The following HES1 variants were observed in gnomAD, a reference collection of about 807,000 sequenced individuals.
The protein encoded by HES1 is transcription factor HES-1.
Under a neutral mutation model 21.0 loss-of-function variants are expected in HES1, and 7 were observed. The observed-to-expected ratio is 0.33, with a 90% confidence interval of 0.19 to 0.63. HES1 has a LOEUF of 0.63. HES1 is among the 20% of genes least tolerant of loss of function. The pLI, the probability that HES1 is intolerant of heterozygous loss-of-function variation, is 0.78. For synonymous variants in HES1, 169 were observed against 171.2 expected (o/e 0.99, Z 0.10); for missense variants, 338 against 389.8 (o/e 0.87, Z 1.12).
rs114479819 is a variant in HES1 at position 194,136,189 on chromosome 3, C to A, written c.-192C>A. On this transcript the variant is annotated 5_prime_UTR_variant, in exon 1 of 4. Coordinates refer to ENST00000232424, the MANE Select transcript of HES1 (RefSeq NM_005524.4). ...TGGTGCTGATAACAGCGGAATCCCCCGTCTACCTCTCTCCTTGGTCCTGGA... is the reference window on the plus strand; with the variant it reads ...TGGTGCTGATAACAGCGGAATCCCCAGTCTACCTCTCTCCTTGGTCCTGGA... The A allele has an allele frequency of 1.8e-6, 1 of 548,006 alleles. No homozygotes were observed. The allele number at this position is 548,006 out of a possible 1,614,324, so 33.9% of individuals were successfully genotyped here. A position where few individuals can be genotyped will look rare whatever the true frequency, so the allele number is the denominator to read the frequency against.
Position 194,137,929 on chromosome 3 carries a change from C to A in HES1, c.539C>A (p.Pro180Gln). Reference sequence around the variant, plus strand: ...GGACCCGGCGGCCCCCAGCACGCGCCGTTCGCGCCGCCGCCGCCACTCGTG... The same window carrying A: ...GGACCCGGCGGCCCCCAGCACGCGCAGTTCGCGCCGCCGCCGCCACTCGTG... ...PPGPGGPQHA[P>Q]FAPPPPLVPI... Residue 180 changes from proline to glutamine, a missense_variant, in exon 4 of 4, where the codon CCG becomes CAG. Coordinates refer to ENST00000232424, the MANE Select transcript of HES1 (RefSeq NM_005524.4). This position sits in a 1 kb window ranked among gnomAD's most constrained non-coding sequence, Gnocchi z 5.4. 2 of 1,308,638 alleles carry A rather than the reference C, an allele frequency of 1.5e-6. No homozygotes were observed. Among genetic ancestry groups the A allele is most frequent in the Non-Finnish European group, 1.9e-6 (2 of 1,028,914 alleles). The allele number at this position is 1,308,638 out of a possible 1,614,324, so 81.1% of individuals were successfully genotyped here. A position where few individuals can be genotyped will look rare whatever the true frequency, so the allele number is the denominator to read the frequency against.
chr3:194,136,587 G>A (rs957927471), intron 1 of HES1, 30 bp from the exon 2 acceptor site: 1 of 1,588,208 alleles, frequency 6.3e-7, no homozygotes, highest in East Asian at 2.2e-5. Flanking sequence ...AGATTCCATG[G>A]GAACACAGAA....
At position 194,138,189 on chromosome 3, in the gene HES1, C is replaced by T. The variant is rs1303605572; in HGVS notation, c.799C>T (p.Pro267Ser). ...CAACGCAGTGTCACCTTCCAGCGGC[C>T]CCTCGCTTACGGCGGACTCCATGTG... ...GPNAVSPSSGPSLTADSMWRP... is the reference protein window; with the variant it reads ...GPNAVSPSSGSSLTADSMWRP... Residue 267 changes from proline (P) to serine (S), a missense_variant, in exon 4 of 4, where the codon CCC (proline) becomes TCC (serine). Pro to Ser is a moderately conservative substitution (Grantham distance 74, BLOSUM62 -1). Coordinates refer to ENST00000232424, the MANE Select transcript of HES1 (RefSeq NM_005524.4). 1.9e-6 allele frequency: 3 copies of T among 1,599,664 alleles called. No homozygotes were observed. Among genetic ancestry groups the T allele is most frequent in the Non-Finnish European group, 2.6e-6 (3 of 1,173,962 alleles).
At position 194,136,964 on chromosome 3, in the gene HES1, T is replaced by C; in HGVS notation, c.208T>C (p.Ser70Pro). 1.2e-6 allele frequency: 2 copies of C among 1,614,106 alleles called. No individual in the cohort carries two copies. The stretch of plus-strand genomic sequence containing the variant: ...CTTTCTTGCCTACTCTATGCAGAGC[T>C]CGCGGCATTCCAAGCTGGAGAAGGC... ...LILDALKKDSSRHSKLEKADI... is the reference protein window; with the variant it reads ...LILDALKKDSPRHSKLEKADI... The change falls in exon 3 of 4, where the codon TCG becomes CCG. Residue 70 changes from serine to proline, a missense_variant. Physicochemically the swap from Ser to Pro is moderately conservative, Grantham distance 74 (BLOSUM62 -1). Coordinates refer to ENST00000232424, the MANE Select transcript of HES1 (RefSeq NM_005524.4).
In HES1 at chr3:194,136,221, C is replaced by T. The variant is rs1715331086; in HGVS notation, c.-160C>T. 8.3e-6 allele frequency: 5 copies of T among 601,224 alleles called. No individual in the cohort carries two copies. The highest frequency in any genetic ancestry group is 1.5e-5 in the Non-Finnish European group (5 of 334,972). The allele number at this position is 601,224 out of a possible 1,614,324, so 37.2% of individuals were successfully genotyped here. A position where few individuals can be genotyped will look rare whatever the true frequency, so the allele number is the denominator to read the frequency against. The stretch of plus-strand genomic sequence containing the variant: ...CTCTCTCCTTGGTCCTGGAACAGCG[C>T]TACTGATCACCAAGTAGCCACAAAA... On this transcript the variant is annotated 5_prime_UTR_variant, in exon 1 of 4. Coordinates refer to ENST00000232424, the MANE Select transcript of HES1 (RefSeq NM_005524.4).
At position 194,136,637 on chromosome 3, in the gene HES1, G is replaced by A. The variant is rs143349653; in HGVS notation, c.129G>A (p.Glu43=). Residue 43 remains glutamate (E), a synonymous_variant, in exon 2 of 4, where the codon GAG becomes GAA. Coordinates refer to ENST00000232424, the MANE Select transcript of HES1 (RefSeq NM_005524.4). ...EHRKSSKPIM[E]KRRRARINES... Reference sequence around the variant, plus strand: ...TGCAGTCATCAAAGCCTATTATGGAGAAAAGACGAAGAGCAAGAATAAATG... The same window carrying A: ...TGCAGTCATCAAAGCCTATTATGGAAAAAAGACGAAGAGCAAGAATAAATG... 5.5e-5 allele frequency: 89 copies of A among 1,613,160 alleles called. No individual in the cohort carries two copies. The highest frequency in any genetic ancestry group is 4.9e-4 in the Middle Eastern group (3 of 6,084).
In HES1 at chr3:194,136,162, G is replaced by C; in HGVS notation, c.-219G>C. On this transcript the variant is annotated 5_prime_UTR_variant, in exon 1 of 4. Coordinates refer to ENST00000232424, the MANE Select transcript of HES1 (RefSeq NM_005524.4). ...GCCTAGGGATCACACAGGATCCGGA[G>C]CTGGTGCTGATAACAGCGGAATCCC... 2.0e-6 allele frequency: 1 copy of C among 500,636 alleles called. No individual in the cohort carries two copies. Among genetic ancestry groups the C allele is most frequent in the African/African-American group, 1.9e-5 (1 of 51,894 alleles). 31.0% of individuals were successfully genotyped at this position (500,636 alleles called of 1,614,324 possible). A position where few individuals can be genotyped will look rare whatever the true frequency, so the allele number is the denominator to read the frequency against.
At position 194,138,678 on chromosome 3, in the gene HES1, T is replaced by C. The variant is rs1715407462; in HGVS notation, c.*445T>C. The C allele has an allele frequency of 6.5e-6, 1 of 153,474 alleles. No individual in the cohort carries two copies. The highest frequency in any genetic ancestry group is 2.4e-5 in the African/African-American group (1 of 41,524). The allele number at this position is 153,474 out of a possible 1,614,324, so 9.5% of individuals were successfully genotyped here. ...TTGGTGGAATTTGAATTACATGTAA[T>C]TGGTAATTCAGGAATTGACTCTTTT... On this transcript the variant is annotated 3_prime_UTR_variant, in exon 4 of 4. Coordinates refer to ENST00000232424, the MANE Select transcript of HES1 (RefSeq NM_005524.4).
In HES1 at chr3:194,136,948, C is replaced by T. The variant is rs1715358706; in HGVS notation, c.205-13C>T. 2.5e-6 allele frequency: 4 copies of T among 1,613,248 alleles called. No individual in the cohort carries two copies. Among genetic ancestry groups the T allele is most frequent in the Non-Finnish European group, 3.4e-6 (4 of 1,179,224 alleles). ...CACGGGGCTCACTTTCCTTTCTTGC[C>T]TACTCTATGCAGAGCTCGCGGCATT... On this transcript the variant is annotated splice_polypyrimidine_tract_variant and intron_variant, in intron 2 of 3. Coordinates refer to ENST00000232424, the MANE Select transcript of HES1 (RefSeq NM_005524.4).
rs767844444 is a variant in HES1 at position 194,137,857 on chromosome 3, C to A, written c.467C>A (p.Pro156His). ...ACCCAGATCAATGCCATGACCTACC[C>A]CGGGCAGCCGCACCCCGCCTTGCAG... is the stretch of plus-strand genomic sequence containing the variant. ...CMTQINAMTY[P>H]GQPHPALQAP... Residue 156 changes from proline to histidine, a missense_variant, in exon 4 of 4, where the codon CCC becomes CAC. Transcript: ENST00000232424. The surrounding 1 kb of genome is among the most constrained non-coding windows in gnomAD (Gnocchi z 5.4). 2.0e-6 allele frequency: 3 copies of A among 1,536,558 alleles called. No homozygotes were observed. Among genetic ancestry groups the A allele is most frequent in the Non-Finnish European group, 2.6e-6 (3 of 1,139,546 alleles).
At chr3:194,136,547 CTTCT>C (rs929514998) in intron 1 of HES1, 59 bp downstream of exon 1, 25 of 1,555,650 alleles carry the variant, frequency 1.6e-5, no homozygotes, top group African/African-American at 1.2e-4. Flanking sequence ...GGTTGGGGGG[CTTCT>C]TTCTGTCTTG....
rs1159713618 is a variant in HES1 at position 194,138,288 on chromosome 3, G to C, written c.*55G>C. The C allele has an allele frequency of 6.9e-7, 1 of 1,441,172 alleles. No homozygotes were observed. Among genetic ancestry groups the C allele is most frequent in the Non-Finnish European group, 9.1e-7 (1 of 1,095,274 alleles). 89.3% of individuals were successfully genotyped at this position (1,441,172 alleles called of 1,614,324 possible). On this transcript the variant is annotated 3_prime_UTR_variant, in exon 4 of 4. Transcript: ENST00000232424. Reference sequence around the variant, plus strand: ...TCCCCAACCCACCTCTCTTCCCTCCGGACTCTAAACAGGAACTTGAATACT... The same window carrying C: ...TCCCCAACCCACCTCTCTTCCCTCCCGACTCTAAACAGGAACTTGAATACT...
In HES1 at chr3:194,138,541, G is replaced by A. The variant is rs918628755; in HGVS notation, c.*308G>A. 3.6e-6 allele frequency: 1 copy of A among 276,574 alleles called. No individual in the cohort carries two copies. Among genetic ancestry groups the A allele is most frequent in the African/African-American group, 2.2e-5 (1 of 45,948 alleles). 17.1% of individuals were successfully genotyped at this position (276,574 alleles called of 1,614,324 possible). On this transcript the variant is annotated 3_prime_UTR_variant, in exon 4 of 4. Coordinates refer to ENST00000232424, the MANE Select transcript of HES1 (RefSeq NM_005524.4). ...TGTGATGCCAAAGATGTTTGAAAAT[G>A]CTCTTAAAATATCTTCCTTTGGGGA... is the stretch of plus-strand genomic sequence containing the variant.
intron 2 of HES1, 56 bp downstream of exon 2, chr3:194,136,768 T>C: frequency 6.6e-7 from 1 of 1,512,208 alleles, no homozygotes; most frequent in South Asian, 1.1e-5. Flanking sequence ...CTTTCTCAGC[T>C]ACTAAGAGTG....
rs376059948 is a variant in HES1, at chr3:194,136,359, T to TAAA, written c.-8_-6dup. ...CTCCAAAAATAAAATTCTCTAGAGA[T>TAAA]AAAAAAAAAAAAAAAAGGAAAATGC... On this transcript the variant is annotated 5_prime_UTR_variant, in exon 1 of 4. Transcript: ENST00000232424. The TAAA allele has an allele frequency of 0.12, 134,045 of 1,135,574 alleles. 2,868 individuals carry two copies. The highest frequency in any genetic ancestry group is 0.13 in the East Asian group (4,568 of 35,444). 70.3% of individuals were successfully genotyped at this position (1,135,574 alleles called of 1,614,324 possible). A position where few individuals can be genotyped will look rare whatever the true frequency, so the allele number is the denominator to read the frequency against.
At position 194,137,733 on chromosome 3, in the gene HES1, A is replaced by T. The variant is rs987021310; in HGVS notation, c.343A>T (p.Ser115Cys). The T allele has an allele frequency of 1.2e-6, 2 of 1,613,582 alleles. No homozygotes were observed. Among genetic ancestry groups the T allele is most frequent in the Non-Finnish European group, 1.7e-6 (2 of 1,179,872 alleles). ...SVLGKYRAGFSECMNEVTRFL... is the reference protein window; with the variant it reads ...SVLGKYRAGFCECMNEVTRFL... ...GCTGGGGAAGTACCGAGCCGGCTTC[A>T]GCGAGTGCATGAACGAGGTGACCCG... is the stretch of plus-strand genomic sequence containing the variant. The change falls in exon 4 of 4, where the codon AGC (serine) becomes TGC (cysteine). Residue 115 changes from serine to cysteine, a missense_variant. Transcript: ENST00000232424. This position sits in a 1 kb window ranked among gnomAD's most constrained non-coding sequence, Gnocchi z 5.4.
chr3:194,137,733 A>C lies in HES1; in HGVS notation c.343A>C (p.Ser115Arg). 6.2e-7 allele frequency: 1 copy of C among 1,613,700 alleles called. No homozygotes were observed. The highest frequency in any genetic ancestry group is 8.5e-7 in the Non-Finnish European group (1 of 1,179,864). ...SVLGKYRAGF[S>R]ECMNEVTRFL... Reference sequence around the variant, plus strand: ...GCTGGGGAAGTACCGAGCCGGCTTCAGCGAGTGCATGAACGAGGTGACCCG... The same window carrying C: ...GCTGGGGAAGTACCGAGCCGGCTTCCGCGAGTGCATGAACGAGGTGACCCG... The change falls in exon 4 of 4, where the codon AGC becomes CGC. Residue 115 changes from serine (S) to arginine (R), a missense_variant. Transcript: ENST00000232424. This position sits in a 1 kb window ranked among gnomAD's most constrained non-coding sequence, Gnocchi z 5.4.
Position 194,137,770 on chromosome 3 carries a change from C to T in HES1, c.380C>T (p.Thr127Met). The change falls in exon 4 of 4, where the codon ACG becomes ATG. Residue 127 changes from threonine to methionine, a missense_variant. By Grantham distance (81) the Thr-to-Met change is moderately conservative. Coordinates refer to ENST00000232424, the MANE Select transcript of HES1 (RefSeq NM_005524.4). This position sits in a 1 kb window ranked among gnomAD's most constrained non-coding sequence, Gnocchi z 5.4. ...CMNEVTRFLSTCEGVNTEVRT... is the reference protein window; with the variant it reads ...CMNEVTRFLSMCEGVNTEVRT... ...AACGAGGTGACCCGCTTCCTGTCCA[C>T]GTGCGAGGGCGTTAATACCGAGGTG... is the stretch of plus-strand genomic sequence containing the variant. 6.2e-7 allele frequency: 1 copy of T among 1,613,794 alleles called. No homozygotes were observed. Among genetic ancestry groups the T allele is most frequent in the Non-Finnish European group, 8.5e-7 (1 of 1,179,910 alleles).
At position 194,137,901 on chromosome 3, in the gene HES1, C is replaced by T. The variant is rs1445906641; in HGVS notation, c.511C>T (p.Pro171Ser). The T allele has an allele frequency of 1.4e-6, 2 of 1,463,646 alleles. No homozygotes were observed. The highest frequency in any genetic ancestry group is 1.8e-6 in the Non-Finnish European group (2 of 1,099,434). The allele number at this position is 1,463,646 out of a possible 1,614,324, so 90.7% of individuals were successfully genotyped here. A position where few individuals can be genotyped will look rare whatever the true frequency, so the allele number is the denominator to read the frequency against. ...PALQAPPPPP[P>S]GPGGPQHAPF... The stretch of plus-strand genomic sequence containing the variant: ...CTTGCAGGCGCCGCCACCGCCCCCA[C>T]CGGGACCCGGCGGCCCCCAGCACGC... Residue 171 changes from proline (P) to serine (S), a missense_variant, in exon 4 of 4, where the codon CCG becomes TCG. Coordinates refer to ENST00000232424, the MANE Select transcript of HES1 (RefSeq NM_005524.4). This position sits in a 1 kb window ranked among gnomAD's most constrained non-coding sequence, Gnocchi z 5.4.
Sources: allele counts gnomAD v4.1 joint callset, GRCh38; gene constraint gnomAD v4.1.1; non-coding constraint Gnocchi (gnomAD v3.1); transcripts MANE v1.5; gene names NCBI Gene and HGNC (gene_info 2026-07-23, HGNC 2026-07-21).